CDH22: variants seen among roughly 807,000 people sequenced by gnomAD.
CDH22 encodes cadherin-22.
A neutral mutation model predicts 58.4 loss-of-function variants in CDH22; 30 were observed. The ratio of observed to expected loss-of-function variants is 0.51; its 90% CI spans 0.38 to 0.70. The LOEUF (loss-of-function observed/expected upper bound fraction) is 0.70. CDH22 is among the 30% of genes least tolerant of loss of function. The pLI is 0.00. For synonymous variants in CDH22, 513 were observed against 558.2 expected (o/e 0.92, Z 1.14); for missense variants, 1,014 against 1,233.9 (o/e 0.82, Z 2.67).
chr20:46,272,982 T>C (rs2086499880), intron 1 of CDH22, among the ~76,000 whole-genome samples: 1 of 152,178 alleles, frequency 6.6e-6, no homozygotes, highest in Admixed American at 6.5e-5. Context: ...TTAAATAAAA[T>C]TAAAGGTTTG....
intron 10 of CDH22, 148 bp downstream of exon 10, chr20:46,186,440 T>TA (rs758055873): frequency 4.5e-6 from 3 of 663,734 alleles, no homozygotes; most frequent in African/African-American, 1.8e-5. Context: ...GTGGGCTGGG[T>TA]AACAGCTCCA....
rs187338715 is a variant in CDH22 at position 46,199,627 on chromosome 20, C to T, written c.1287-68G>A. ...CAAATGGAGCCCATGTCCTTTTCTC[C>T]CAACCCCACTCCAAGAGAGGGACCG... On this transcript the variant is annotated intron_variant, in intron 7 of 11. Transcript: ENST00000537909. 1.9e-4 allele frequency: 293 copies of T among 1,554,122 alleles called. No individual in the cohort carries two copies. In the African/African-American group the frequency reaches 3.2e-3, roughly 17 times the overall value.
chr20:46,277,974 G>T (rs534273766), intron 1 of CDH22, among the ~76,000 whole-genome samples: 1 of 152,080 alleles, frequency 6.6e-6, no homozygotes, highest in East Asian at 1.9e-4. Flanking sequence ...GAGAGGGGGC[G>T]AAAGTGTAGA....
intron 3 of CDH22, among the ~76,000 whole-genome samples, chr20:46,229,116 C>G (rs752662365): frequency 1.3e-5 from 2 of 152,058 alleles, no homozygotes; most frequent in Non-Finnish European, 2.9e-5. Context: ...ATGGGCAAGC[C>G]CCTTCCCTCC....
At position 46,174,428 on chromosome 20, in the gene CDH22, C is replaced by CG; in HGVS notation, c.*77dup. On this transcript the variant is annotated 3_prime_UTR_variant, in exon 12 of 12. Transcript: ENST00000537909. This position sits in a 1 kb window ranked among gnomAD's most constrained non-coding sequence, Gnocchi z 4.4. Reference sequence around the variant, plus strand: ...GGGGGAGGGCAGGAAAGGGGGTCCGCGGGGGAAACGCGTTGTCCTGGGGCC... The same window carrying CG: ...GGGGGAGGGCAGGAAAGGGGGTCCGCGGGGGGAAACGCGTTGTCCTGGGGCC... 2 of 1,043,572 alleles carry CG rather than the reference C, an allele frequency of 1.9e-6. No individual in the cohort carries two copies. Among genetic ancestry groups the CG allele is most frequent in the Non-Finnish European group, 2.6e-6 (2 of 766,338 alleles). The allele number at this position is 1,043,572 out of a possible 1,614,324, so 64.6% of individuals were successfully genotyped here. A position where few individuals can be genotyped will look rare whatever the true frequency, so the allele number is the denominator to read the frequency against.
At chr20:46,233,714 C>A (rs1023389228) in intron 3 of CDH22, among the ~76,000 whole-genome samples, 1 of 152,208 alleles carries the variant, frequency 6.6e-6, no homozygotes, top group Non-Finnish European at 1.5e-5. Flanking sequence ...TCCTCCCTGT[C>A]CAGATTACCC....
At chr20:46,307,430 G>A (rs116114536) in intron 1 of CDH22, among the ~76,000 whole-genome samples, 2,530 of 152,306 alleles carry the variant, frequency 0.017, 50 homozygotes, top group African/African-American at 0.056. Flanking sequence ...TAAACGCCGC[G>A]GCCCCCGAGG....
At chr20:46,243,934 T>G (rs1236165712) in intron 2 of CDH22, among the ~76,000 whole-genome samples, 1 of 152,198 alleles carries the variant, frequency 6.6e-6, no homozygotes, top group Non-Finnish European at 1.5e-5. Flanking sequence ...CATGGCTAAG[T>G]GTGGAAAGCA....
chr20:46,285,979 G>A (rs555826907), intron 1 of CDH22, among the ~76,000 whole-genome samples: 1 of 152,270 alleles, frequency 6.6e-6, no homozygotes, highest in South Asian at 2.1e-4. Flanking sequence ...CAGCATTTTT[G>A]TCAGGCCTTC....
At chr20:46,267,864 C>T (rs924655361) in intron 1 of CDH22, among the ~76,000 whole-genome samples, 5 of 152,226 alleles carry the variant, frequency 3.3e-5, no homozygotes, top group African/African-American at 4.8e-5. Context: ...GCTTTGCCTG[C>T]GGGAGGTTCA....
chr20:46,175,435 G>C (rs1297705517), intron 11 of CDH22, among the ~76,000 whole-genome samples: 1 of 152,172 alleles, frequency 6.6e-6, no homozygotes, highest in South Asian at 2.1e-4. Flanking sequence ...GGTGCTGGGG[G>C]TCTGTAGCAG....
At chr20:46,185,284 A>G (rs1459100885) in intron 10 of CDH22, among the ~76,000 whole-genome samples, 2 of 152,130 alleles carry the variant, frequency 1.3e-5, no homozygotes, top group African/African-American at 4.8e-5. Context: ...CCCTCAGTCT[A>G]TTCCTTAAAG....
chr20:46,296,010 G>A (rs1365749034), intron 1 of CDH22, among the ~76,000 whole-genome samples: 2 of 152,184 alleles, frequency 1.3e-5, no homozygotes, highest in Non-Finnish European at 2.9e-5. Flanking sequence ...TGATCCTCCT[G>A]CCTCGGCCTC....
chr20:46,189,677 T>C (rs2145658308), intron 8 of CDH22, among the ~76,000 whole-genome samples: 1 of 152,334 alleles, frequency 6.6e-6, no homozygotes, highest in East Asian at 1.9e-4. Flanking sequence ...GGTCACCTTG[T>C]GAGAAAGCCC....
intron 1 of CDH22, among the ~76,000 whole-genome samples, chr20:46,269,793 C>T (rs2086478431): frequency 1.3e-5 from 2 of 152,176 alleles, no homozygotes; most frequent in Admixed American, 6.5e-5. Context: ...TCAGCATTCT[C>T]CCTGCCCCAA....
chr20:46,210,484 G>A lies in CDH22; in HGVS notation c.1109C>T (p.Ala370Val). 4.2e-6 allele frequency: 6 copies of A among 1,432,742 alleles called. No individual in the cohort carries two copies. Among genetic ancestry groups the A allele is most frequent in the Non-Finnish European group, 5.5e-6 (6 of 1,090,328 alleles). The allele number at this position is 1,432,742 out of a possible 1,614,324, so 88.8% of individuals were successfully genotyped here. A position where few individuals can be genotyped will look rare whatever the true frequency, so the allele number is the denominator to read the frequency against. ...ALNKFVDPRF[A>V]DLGTFRDQAI... ...CTGGTCGCGGAACGTGCCCAGGTCG[G>A]CGAAGCGGGGGTCCACGAACTTGTT... is the stretch of plus-strand genomic sequence containing the variant. The change falls in exon 7 of 12, where the codon GCC becomes GTC. Residue 370 changes from alanine to valine, a missense_variant. Ala to Val is a moderately conservative substitution (Grantham distance 64). Transcript: ENST00000537909. This position sits in a 1 kb window ranked among gnomAD's most constrained non-coding sequence, Gnocchi z 4.5.
chr20:46,239,121 T>C (rs889151904), intron 3 of CDH22, among the ~76,000 whole-genome samples: 3 of 152,214 alleles, frequency 2.0e-5, no homozygotes, highest in Non-Finnish European at 2.9e-5. Context: ...GTTGTTCACT[T>C]GCTTATTGTC....
chr20:46,181,609 T>TTCCCTCCCTCCCTCCCTCCC (rs929451365), intron 10 of CDH22, among the ~76,000 whole-genome samples: 1 of 142,622 alleles, frequency 7.0e-6, no homozygotes, highest in Non-Finnish European at 1.6e-5. Context: ...CCTTCCTTCC[T>TTCCCTCCCTCCCTCCCTCCC]TCCCTCCCTC....
rs567667828 is a variant in CDH22 at position 46,213,741 on chromosome 20, C to T, written c.839-553G>A. ...ATAGTGATTTTGCTGTTGATGTTAA[C>T]GGTAGTTATTCCTTCATTTCAATGT... On this transcript the variant is annotated intron_variant, in intron 5 of 11. Coordinates refer to ENST00000537909, the MANE Select transcript of CDH22 (RefSeq NM_021248.3). Among the ~76,000 whole-genome samples the T allele has an allele frequency of 4.6e-5, 7 of 152,228 alleles. No homozygotes were observed. In the East Asian group the frequency reaches 7.7e-4, roughly 17 times the overall value.
Sources: gnomAD v4.1 joint callset for allele counts (sites outside exome capture counted in the v4.1 genomes callset) on GRCh38, gnomAD v4.1.1 for gene constraint, Gnocchi (gnomAD v3.1) non-coding constraint, MANE v1.5 for transcripts, NCBI Gene and HGNC (gene_info 2026-07-23, HGNC 2026-07-21) for gene names.